Variants in CHCHD3 observed in about 807,000 individuals in gnomAD.
CHCHD3 encodes MICOS complex subunit MIC19.
In CHCHD3, 20 loss-of-function variants were observed where a neutral mutation model predicts 38.2. The observed-to-expected ratio is 0.52, with a 90% CI of 0.37 to 0.76. CHCHD3 has a LOEUF of 0.76. CHCHD3 is among the 30% of genes least tolerant of loss of function. The probability of loss-of-function intolerance (pLI) is 0.00; values close to 1 mark genes in which losing one functional copy is unlikely to be tolerated. For missense variants in CHCHD3, 245 were observed against 279.2 expected, an observed-to-expected ratio of 0.88 and a Z score of 0.87; for synonymous variants, 82 against 100.0, an observed-to-expected ratio of 0.82 and a Z score of 1.07.
intron 4 of CHCHD3, among the ~76,000 whole-genome samples, chr7:132,913,049 C>T (rs1268455450): frequency 3.9e-5 from 6 of 152,216 alleles, no homozygotes; most frequent in African/African-American, 1.2e-4. Flanking sequence ...CACTGTCTAC[C>T]ATGTGATGAA....
chr7:132,809,179 T>G (rs958530573), intron 6 of CHCHD3, among the ~76,000 whole-genome samples: 1 of 151,642 alleles, frequency 6.6e-6, no homozygotes, highest in Admixed American at 6.6e-5. Flanking sequence ...CAGGCTGGTC[T>G]CAAACTTCTG....
chr7:132,802,218 G>A (rs934261183), intron 6 of CHCHD3, among the ~76,000 whole-genome samples: 2 of 152,100 alleles, frequency 1.3e-5, no homozygotes, highest in African/African-American at 4.8e-5. Flanking sequence ...GAAAAACCTA[G>A]GAGAGCAGGA....
intron 6 of CHCHD3, among the ~76,000 whole-genome samples, chr7:132,834,159 T>C (rs1241818822): frequency 6.6e-6 from 1 of 152,178 alleles, no homozygotes; most frequent in Non-Finnish European, 1.5e-5. Context: ...AAATATTATA[T>C]ATTGTCTTAC....
At chr7:133,070,010 T>G (rs1323933689) in intron 2 of CHCHD3, 132 bp downstream of exon 2, 3 of 625,306 alleles carry the variant, frequency 4.8e-6, no homozygotes, top group African/African-American at 1.9e-5. Flanking sequence ...AATACTGATT[T>G]CTAATATTCC....
At chr7:132,943,871 T>C (rs1331142654) in intron 4 of CHCHD3, among the ~76,000 whole-genome samples, 1 of 152,104 alleles carries the variant, frequency 6.6e-6, no homozygotes, top group Non-Finnish European at 1.5e-5. Context: ...CAGATAAAAG[T>C]GAAATCTTCC....
intron 1 of CHCHD3, among the ~76,000 whole-genome samples, chr7:133,071,047 T>C (rs996003882): frequency 2.0e-5 from 3 of 152,190 alleles, no homozygotes; most frequent in Non-Finnish European, 4.4e-5. Context: ...CAAGTGGAGA[T>C]ATCAAGTAGG....
intron 3 of CHCHD3, among the ~76,000 whole-genome samples, chr7:133,019,147 T>A (rs1018128854): frequency 6.6e-6 from 1 of 152,112 alleles, no homozygotes; most frequent in African/African-American, 2.4e-5. Context: ...CCTCCCAAAG[T>A]GCTGGGATTG....
intron 4 of CHCHD3, among the ~76,000 whole-genome samples, chr7:132,972,133 T>C (rs1811628994): frequency 6.6e-6 from 1 of 152,234 alleles, no homozygotes; most frequent in Non-Finnish European, 1.5e-5. Flanking sequence ...GATGACAGAA[T>C]TATAACAATA....
chr7:132,945,286 A>G (rs929714), intron 4 of CHCHD3, among the ~76,000 whole-genome samples: 73,769 of 151,746 alleles, frequency 0.49, 18,932 homozygotes, highest in South Asian at 0.66. Context: ...ACATTAAAAC[A>G]ATTAATTAAA....
At chr7:132,946,635 A>G (rs1016361135) in intron 4 of CHCHD3, among the ~76,000 whole-genome samples, 1 of 151,850 alleles carries the variant, frequency 6.6e-6, no homozygotes, top group Non-Finnish European at 1.5e-5. Context: ...TAGAGTATAA[A>G]TATATTGGTT....
At chr7:132,993,777 C>T (rs1171240538) in intron 3 of CHCHD3, among the ~76,000 whole-genome samples, 1 of 152,186 alleles carries the variant, frequency 6.6e-6, no homozygotes, top group East Asian at 1.9e-4. Context: ...AAGGTTATCT[C>T]AGGAACAGTC....
intron 3 of CHCHD3, among the ~76,000 whole-genome samples, chr7:133,012,681 T>A (rs947141031): frequency 6.6e-6 from 1 of 151,692 alleles, no homozygotes; most frequent in African/African-American, 2.4e-5. Flanking sequence ...AGAGGATGGC[T>A]TGAGTCTGGG....
intron 4 of CHCHD3, among the ~76,000 whole-genome samples, chr7:132,898,055 T>A (rs1258095253): frequency 6.6e-6 from 1 of 151,290 alleles, no homozygotes; most frequent in African/African-American, 2.4e-5. Context: ...TCTGGAGTTG[T>A]TTGTTCCTCC....
At position 132,911,861 on chromosome 7, in the gene CHCHD3, C is replaced by T. The variant is rs142586594; in HGVS notation, c.370-26116G>A. ...TGAGATCACTAAATATAAACCAAAT[C>T]GGAGCTGAATAATTGAATACACATG... is the stretch of plus-strand genomic sequence containing the variant. On this transcript the variant is annotated intron_variant, in intron 4 of 7. Transcript: ENST00000262570. Among the ~76,000 whole-genome samples the T allele has an allele frequency of 2.0e-4, 31 of 152,306 alleles. No individual in the cohort carries two copies. In the East Asian group the frequency reaches 4.4e-3, roughly 22 times the overall value.
intron 5 of CHCHD3, among the ~76,000 whole-genome samples, chr7:132,863,445 G>A (rs1808542525): frequency 6.6e-6 from 1 of 152,302 alleles, no homozygotes; most frequent in Admixed American, 6.5e-5. Flanking sequence ...AGGCTTTGGT[G>A]TTCCATTTAT....
At position 133,035,385 on chromosome 7, in the gene CHCHD3, G is replaced by A; in HGVS notation, c.170-10758C>T. ...GGTATTGCGAAAGGCCCGGCGGAAA[G>A]AAGGCTCTAGAACCTGCTTATAGAG... On this transcript the variant is annotated intron_variant, in intron 2 of 7. Transcript: ENST00000262570. The surrounding 1 kb of genome is among the most constrained non-coding windows in gnomAD (Gnocchi z 4.7). 1 of 1,613,486 alleles carries A rather than the reference G, an allele frequency of 6.2e-7. No individual in the cohort carries two copies. Among genetic ancestry groups the A allele is most frequent in the Non-Finnish European group, 8.5e-7 (1 of 1,179,424 alleles).
intron 3 of CHCHD3, among the ~76,000 whole-genome samples, chr7:133,007,715 C>A (rs2117403801): frequency 6.6e-6 from 1 of 152,284 alleles, no homozygotes; most frequent in South Asian, 2.1e-4. Flanking sequence ...ATATACGTGT[C>A]CCAACTTTCT....
In CHCHD3 at chr7:132,978,430, C is replaced by T. The variant is rs1371782232; in HGVS notation, c.252-3144G>A. Among the ~76,000 whole-genome samples the T allele has an allele frequency of 3.3e-5, 5 of 152,268 alleles. No individual in the cohort carries two copies. The South Asian group carries it at 6.2e-4, about 19-fold the overall frequency. Reference sequence around the variant, plus strand: ...CTTGTCCATAGCTCCATAAGGACAACGATTTGCCCTATTTTTGTTCACTGC... The same window carrying T: ...CTTGTCCATAGCTCCATAAGGACAATGATTTGCCCTATTTTTGTTCACTGC... On this transcript the variant is annotated intron_variant, in intron 3 of 7. Coordinates refer to ENST00000262570, the MANE Select transcript of CHCHD3 (RefSeq NM_017812.4).
At chr7:132,801,222 CTTTTTA>C (rs892528329) in intron 6 of CHCHD3, among the ~76,000 whole-genome samples, 1 of 152,104 alleles carries the variant, frequency 6.6e-6, no homozygotes, top group African/African-American at 2.4e-5. Context: ...ACTATATTAA[CTTTTTA>C]TTTTTAATTT....
Sources: allele counts gnomAD v4.1 joint callset (sites outside exome capture counted in the v4.1 genomes callset), GRCh38; gene constraint gnomAD v4.1.1; non-coding constraint Gnocchi (gnomAD v3.1); transcripts MANE v1.5; gene names NCBI Gene and HGNC (gene_info 2026-07-23, HGNC 2026-07-21).